Variants in ZNF385B observed in about 807,000 individuals in gnomAD.
The protein encoded by ZNF385B is zinc finger protein 385B.
ZNF385B carries 23 observed loss-of-function variants against 39.2 expected under a neutral mutation model. The ratio of observed to expected loss-of-function variants is 0.59; its 90% CI spans 0.42 to 0.83. ZNF385B has a LOEUF of 0.83. Ranked by LOEUF, ZNF385B falls within the 40% of genes least tolerant of loss-of-function variation. The pLI is 0.00. For missense variants in ZNF385B, 552 were observed against 598.9 expected, an observed-to-expected ratio of 0.92 and a Z score of 0.82; for synonymous variants, 205 against 222.6, an observed-to-expected ratio of 0.92 and a Z score of 0.70.
intron 6 of ZNF385B, among the ~76,000 whole-genome samples, chr2:179,459,034 G>A (rs1004558249): frequency 2.0e-5 from 3 of 152,158 alleles, no homozygotes; most frequent in Non-Finnish European, 4.4e-5. Context: ...ATAGTTGCAA[G>A]TTTGCATGTA....
chr2:179,548,321 T>C (rs1034278033), intron 3 of ZNF385B, among the ~76,000 whole-genome samples: 2 of 149,708 alleles, frequency 1.3e-5, no homozygotes. Context: ...GTAACAAGCA[T>C]CCTTCTTTAG....
intron 3 of ZNF385B, among the ~76,000 whole-genome samples, chr2:179,656,327 T>G (rs1384284841): frequency 6.6e-6 from 1 of 152,108 alleles, no homozygotes; most frequent in East Asian, 1.9e-4. Context: ...GCATTTTGAT[T>G]CCCAAGTAAA....
chr2:179,829,675 G>A (rs1199608078), intron 1 of ZNF385B, among the ~76,000 whole-genome samples: 3 of 152,024 alleles, frequency 2.0e-5, no homozygotes, highest in Non-Finnish European at 4.4e-5. Flanking sequence ...CACCATGCCC[G>A]GCCAATTTTT....
chr2:179,660,725 A>G (rs1308874771), intron 3 of ZNF385B, among the ~76,000 whole-genome samples: 3 of 152,202 alleles, frequency 2.0e-5, no homozygotes, highest in Non-Finnish European at 4.4e-5. Flanking sequence ...TTCTCCTGAG[A>G]GAAGAACAAG....
At chr2:179,772,604 G>A (rs1202225988) in intron 1 of ZNF385B, among the ~76,000 whole-genome samples, 1 of 152,186 alleles carries the variant, frequency 6.6e-6, no homozygotes, top group African/African-American at 2.4e-5. Context: ...CTTTTGGCCT[G>A]AGATGATATA....
chr2:179,455,408 T>C lies in ZNF385B; in HGVS notation c.716-8638A>G, dbSNP rs2050577328. 2.0e-5 allele frequency among the ~76,000 whole-genome samples: 3 copies of C among 152,028 alleles called. No homozygotes were observed. The South Asian group carries it at 6.2e-4, about 32-fold the overall frequency. On this transcript the variant is annotated intron_variant, in intron 6 of 9. Transcript: ENST00000410066. ...CCTCCATGCTGCTGGTTCTCATGAT[T>C]GTGAGTGAGTTCTCATGAGATCTGA...
At chr2:179,818,937 T>A (rs953398459) in intron 1 of ZNF385B, among the ~76,000 whole-genome samples, 1 of 152,104 alleles carries the variant, frequency 6.6e-6, no homozygotes, top group African/African-American at 2.4e-5. Context: ...AGAAAGTAAC[T>A]AAGGTAGGCT....
At chr2:179,520,500 G>C (rs1212412640) in intron 4 of ZNF385B, among the ~76,000 whole-genome samples, 3 of 152,106 alleles carry the variant, frequency 2.0e-5, no homozygotes, top group African/African-American at 7.2e-5. Context: ...TAAATTCCTA[G>C]TTCACTTTCT....
chr2:179,774,554 T>C (rs1488258456), intron 1 of ZNF385B, among the ~76,000 whole-genome samples: 1 of 151,914 alleles, frequency 6.6e-6, no homozygotes, highest in Non-Finnish European at 1.5e-5. Flanking sequence ...AGAGACAGGG[T>C]TTCAACGTTG....
chr2:179,576,382 T>C lies in ZNF385B; in HGVS notation c.299-31413A>G, dbSNP rs115417348. 1,043 of 161,142 alleles carry C rather than the reference T, an allele frequency of 6.5e-3. 17 individuals are homozygous for C. The highest frequency in any genetic ancestry group is 0.024 in the African/African-American group (989 of 41,722). The allele number at this position is 161,142 out of a possible 1,614,324, so 10.0% of individuals were successfully genotyped here. On this transcript the variant is annotated intron_variant, in intron 3 of 9. Coordinates refer to ENST00000410066, the MANE Select transcript of ZNF385B (RefSeq NM_152520.6). ...GCCTATGAGCCACATCTATGCGTGATGTTGGGAATGTGGCCTAAACAAGAC... is the reference window on the plus strand; with the variant it reads ...GCCTATGAGCCACATCTATGCGTGACGTTGGGAATGTGGCCTAAACAAGAC...
intron 3 of ZNF385B, among the ~76,000 whole-genome samples, chr2:179,643,484 A>T (rs190300089): frequency 7.2e-5 from 11 of 152,306 alleles, no homozygotes; most frequent in Non-Finnish European, 4.4e-5. Context: ...AGGACCACTC[A>T]TCTAGTTCCA....
chr2:179,738,292 T>C (rs889535816), intron 3 of ZNF385B, among the ~76,000 whole-genome samples: 2 of 152,218 alleles, frequency 1.3e-5, no homozygotes, highest in Non-Finnish European at 2.9e-5. Context: ...TGATAATCTC[T>C]TCCCCTTGAT....
intron 3 of ZNF385B, among the ~76,000 whole-genome samples, chr2:179,573,629 GT>G (rs1358779645): frequency 1.8e-4 from 28 of 151,986 alleles, no homozygotes; most frequent in African/African-American, 6.8e-4. Flanking sequence ...ATTTAAGAAA[GT>G]TACTTTTGAA....
intron 3 of ZNF385B, among the ~76,000 whole-genome samples, chr2:179,622,866 C>T (rs1424837825): frequency 6.6e-6 from 1 of 152,100 alleles, no homozygotes; most frequent in East Asian, 1.9e-4. Context: ...AAGGGAGGGA[C>T]ATGCCTACAA....
chr2:179,589,902 T>A (rs1687407770), intron 3 of ZNF385B, among the ~76,000 whole-genome samples: 1 of 152,250 alleles, frequency 6.6e-6, no homozygotes, highest in Non-Finnish European at 1.5e-5. Context: ...AATTTTTCTT[T>A]TGTGAGGCAG....
intron 4 of ZNF385B, among the ~76,000 whole-genome samples, chr2:179,541,183 T>C (rs1256273963): frequency 2.6e-5 from 4 of 152,188 alleles, no homozygotes; most frequent in African/African-American, 9.7e-5. Flanking sequence ...CTCTTTAAAC[T>C]CTGCTTATAC....
intron 5 of ZNF385B, among the ~76,000 whole-genome samples, chr2:179,510,415 A>G (rs2057584902): frequency 1.3e-5 from 2 of 152,078 alleles, no homozygotes. Context: ...ATGTGAATAT[A>G]CATATATATA....
intron 3 of ZNF385B, among the ~76,000 whole-genome samples, chr2:179,578,696 C>T (rs1200948717): frequency 6.6e-6 from 1 of 152,036 alleles, no homozygotes; most frequent in Non-Finnish European, 1.5e-5. Context: ...AGTTCTTTTG[C>T]CTTTTAAGGT....
chr2:179,721,282 C>T (rs1389885927), intron 3 of ZNF385B, among the ~76,000 whole-genome samples: 1 of 151,994 alleles, frequency 6.6e-6, no homozygotes, highest in Non-Finnish European at 1.5e-5. Flanking sequence ...ATGTGGAAAA[C>T]ATAAACGCAA....
Sources: gnomAD v4.1 joint callset for allele counts (sites outside exome capture counted in the v4.1 genomes callset) on GRCh38, gnomAD v4.1.1 for gene constraint, MANE v1.5 for transcripts, NCBI Gene and HGNC (gene_info 2026-07-23, HGNC 2026-07-21) for gene names.